PDS5B: variants seen among roughly 807,000 people sequenced by gnomAD.
PDS5B encodes PDS5 cohesin associated factor B.
In PDS5B, 51 loss-of-function variants were observed where a neutral mutation model predicts 184.1. That is an observed-to-expected ratio of 0.28 (90% CI 0.22 to 0.35). The LOEUF (loss-of-function observed/expected upper bound fraction) is 0.35. Ranked by LOEUF, PDS5B falls within the 10% of genes least tolerant of loss-of-function variation. The pLI, the probability that PDS5B is intolerant of heterozygous loss-of-function variation, is 1.00. For synonymous variants in PDS5B, 566 were observed against 569.2 expected (o/e 0.99, Z 0.08); for missense variants, 1,180 against 1,723.3 (o/e 0.68, Z 5.58).
intron 19 of PDS5B, among the ~76,000 whole-genome samples, chr13:32,712,811 T>A (rs1952250148): frequency 6.6e-6 from 1 of 152,210 alleles, no homozygotes; most frequent in Admixed American, 6.5e-5. Context: ...TAGGTCAACC[T>A]GTTTACCAGG....
intron 28 of PDS5B, 28 bp downstream of exon 28, chr13:32,758,681 A>G (rs1176996689): frequency 3.1e-6 from 5 of 1,609,170 alleles, no homozygotes; most frequent in Non-Finnish European, 4.2e-6. Flanking sequence ...TGTTTGTGTA[A>G]GTTGAAATAA....
chr13:32,740,542 A>T (rs1225749747), intron 21 of PDS5B, among the ~76,000 whole-genome samples: 1 of 152,116 alleles, frequency 6.6e-6, no homozygotes, highest in Non-Finnish European at 1.5e-5. Flanking sequence ...CAAGTGTTCC[A>T]AGATTGGTTC....
At chr13:32,681,101 A>T (rs962620535) in intron 10 of PDS5B, among the ~76,000 whole-genome samples, 2 of 152,086 alleles carry the variant, frequency 1.3e-5, no homozygotes, top group African/African-American at 4.8e-5. Context: ...TTAGGCTCAT[A>T]TTGGCTTCCC....
At chr13:32,698,629 T>C (rs771544233) in intron 15 of PDS5B, among the ~76,000 whole-genome samples, 1 of 152,238 alleles carries the variant, frequency 6.6e-6, no homozygotes, top group South Asian at 2.1e-4. Flanking sequence ...TTAAGTCATT[T>C]AAATATCTCA....
intron 18 of PDS5B, among the ~76,000 whole-genome samples, chr13:32,707,824 C>G (rs1047134747): frequency 2.0e-5 from 3 of 151,366 alleles, no homozygotes; most frequent in African/African-American, 7.3e-5. Context: ...TGGTGATTAG[C>G]CCATATTTGG....
At chr13:32,622,765 G>T (rs1386844310) in intron 1 of PDS5B, among the ~76,000 whole-genome samples, 1 of 151,996 alleles carries the variant, frequency 6.6e-6, no homozygotes, top group Non-Finnish European at 1.5e-5. Flanking sequence ...TTTTGTGATG[G>T]CTTCTGTATG....
rs560187784 is a variant in PDS5B, at chr13:32,636,844, A to G, written c.-19-11910A>G. The stretch of plus-strand genomic sequence containing the variant: ...GTGCAGGGGTGGTGTGAGAGCATGC[A>G]GTCAAGATTTTATTTAGACTGAGTA... On this transcript the variant is annotated intron_variant, in intron 1 of 34. Transcript: ENST00000315596. 1.4e-3 allele frequency among the ~76,000 whole-genome samples: 206 copies of G among 152,376 alleles called. 2 individuals are homozygous for G. Among genetic ancestry groups the G allele is most frequent in the Non-Finnish European group, 2.0e-3 (134 of 68,040 alleles).
intron 13 of PDS5B, chr13:32,691,153 T>A (rs578094341): frequency 3.3e-5 from 5 of 152,198 alleles, no homozygotes; most frequent in African/African-American, 1.2e-4. Context: ...GTTTCTTGTT[T>A]CCTTTAAAAA....
chr13:32,763,552 C>T (rs1403879327), intron 30 of PDS5B: 1 of 151,910 alleles, frequency 6.6e-6, no homozygotes, highest in Non-Finnish European at 1.5e-5. Context: ...TTCGACCACC[C>T]TCAGATTTAT....
At position 32,741,145 on chromosome 13, in the gene PDS5B, C is replaced by A; in HGVS notation, c.2472C>A (p.Val824=). The A allele has an allele frequency of 4.0e-6, 6 of 1,508,092 alleles. No individual in the cohort carries two copies. The South Asian group carries it at 7.0e-5, about 17-fold the overall frequency. 93.4% of individuals were successfully genotyped at this position (1,508,092 alleles called of 1,614,324 possible). ...AAGAAGTATCTCCTGAGACAATGGT[C>A]AAAGTGAGTAATGTGCATAGATCTA... ...PDEEVSPETM[V]KIQAIKMMVR... is the part of the protein sequence containing the mutation. Residue 824 remains valine (V), a synonymous_variant, in exon 22 of 35, where the codon GTC becomes GTA. Transcript: ENST00000315596.
intron 30 of PDS5B, among the ~76,000 whole-genome samples, chr13:32,761,020 A>G (rs1235641627): frequency 6.6e-6 from 1 of 152,228 alleles, no homozygotes; most frequent in Admixed American, 6.5e-5. Context: ...GGTGTATGAT[A>G]CAATGGAATA....
chr13:32,721,334 G>A (rs188939978), intron 19 of PDS5B, among the ~76,000 whole-genome samples: 1,650 of 151,694 alleles, frequency 0.011, 35 homozygotes, highest in African/African-American at 0.038. Context: ...AGACGGGGCG[G>A]CTGCCGGGCG....
At position 32,712,722 on chromosome 13, in the gene PDS5B, C is replaced by T. The variant is rs1362136625; in HGVS notation, c.2123+2616C>T. Among the ~76,000 whole-genome samples, 3 of 151,992 alleles carry T rather than the reference C, an allele frequency of 2.0e-5. No individual in the cohort carries two copies. In the South Asian group the frequency reaches 6.2e-4, roughly 31 times the overall value. On this transcript the variant is annotated intron_variant, in intron 19 of 34. Coordinates refer to ENST00000315596, the MANE Select transcript of PDS5B (RefSeq NM_015032.4). ...GGGAGGATATTGCTATATGGACACACTTTAAGAGAAAGAAAGAAAACCTGA... is the reference window on the plus strand; with the variant it reads ...GGGAGGATATTGCTATATGGACACATTTTAAGAGAAAGAAAGAAAACCTGA...
intron 1 of PDS5B, among the ~76,000 whole-genome samples, chr13:32,647,983 G>T (rs1409598538): frequency 6.6e-6 from 1 of 152,186 alleles, no homozygotes; most frequent in Non-Finnish European, 1.5e-5. Context: ...TTAACCAGGG[G>T]TCTGTGAGTT....
intron 24 of PDS5B, among the ~76,000 whole-genome samples, chr13:32,748,817 C>T (rs1953859286): frequency 6.6e-6 from 1 of 152,006 alleles, no homozygotes; most frequent in East Asian, 1.9e-4. Context: ...TACCTAAAAG[C>T]ATGGTTTATA....
At chr13:32,724,162 A>T (rs1223670722) in intron 19 of PDS5B, among the ~76,000 whole-genome samples, 1 of 152,014 alleles carries the variant, frequency 6.6e-6, no homozygotes, top group South Asian at 2.1e-4. Context: ...TGTTGCCCAG[A>T]CTGGAGTGCA....
chr13:32,705,083 T>G (rs1177567642), intron 17 of PDS5B, among the ~76,000 whole-genome samples: 2 of 152,184 alleles, frequency 1.3e-5, no homozygotes, highest in African/African-American at 2.4e-5. Flanking sequence ...CAGAAATCCC[T>G]TTCCTAATTA....
At chr13:32,764,387 G>T (rs1451248281) in intron 30 of PDS5B, 102 bp from the exon 31 acceptor site, 1 of 573,602 alleles carries the variant, frequency 1.7e-6, no homozygotes. Context: ...TTTTTGAAAA[G>T]AACGAAATTT....
chr13:32,731,592 G>C (rs1448480223), intron 19 of PDS5B, among the ~76,000 whole-genome samples: 5 of 145,822 alleles, frequency 3.4e-5, no homozygotes, highest in Non-Finnish European at 7.4e-5. Context: ...AATGCTAGTA[G>C]CATCAAGTTA....
Sources: gnomAD v4.1 joint callset for allele counts (sites outside exome capture counted in the v4.1 genomes callset) on GRCh38, gnomAD v4.1.1 for gene constraint, MANE v1.5 for transcripts, NCBI Gene and HGNC (gene_info 2026-07-23, HGNC 2026-07-21) for gene names.